Variants in ELMO1 observed in about 807,000 individuals in gnomAD.
ELMO1 encodes the protein engulfment and cell motility 1, also known as engulfment and cell motility protein 1.
ELMO1 carries 26 observed loss-of-function variants against 98.9 expected under a neutral mutation model. The ratio of observed to expected loss-of-function variants is 0.26; its 90% CI spans 0.19 to 0.36. ELMO1 has a LOEUF of 0.36. Ranked by LOEUF, ELMO1 falls within the 10% of genes least tolerant of loss-of-function variation. The probability of loss-of-function intolerance (pLI) is 1.00; values close to 1 mark genes in which losing one functional copy is unlikely to be tolerated. For missense variants in ELMO1, 627 were observed against 935.2 expected (o/e 0.67, Z 4.30); for synonymous variants, 346 against 346.0 (o/e 1.00, Z 0.00).
intron 1 of ELMO1, among the ~76,000 whole-genome samples, chr7:37,426,665 G>A (rs1583742898): frequency 6.6e-6 from 1 of 152,108 alleles, no homozygotes; most frequent in East Asian, 1.9e-4. Flanking sequence ...TGGCAAGTCA[G>A]TCCTTGTCTC....
chr7:36,885,533 AT>A (rs1368862244), intron 18 of ELMO1, among the ~76,000 whole-genome samples: 1 of 152,170 alleles, frequency 6.6e-6, no homozygotes, highest in Non-Finnish European at 1.5e-5. Context: ...TCTATTTGCC[AT>A]TTCCCATCCC....
chr7:37,101,469 C>T (rs747697180), intron 14 of ELMO1, among the ~76,000 whole-genome samples: 19 of 152,090 alleles, frequency 1.2e-4, no homozygotes, highest in Non-Finnish European at 7.3e-5. Context: ...CTCTTTTATA[C>T]TATGGTCTAA....
rs148906778 is a variant in ELMO1 at position 36,982,768 on chromosome 7, C to A, written c.1437+30531G>T. Among the ~76,000 whole-genome samples, 279 of 152,320 alleles carry A rather than the reference C, an allele frequency of 1.8e-3. 1 individual carries two copies. The highest frequency in any genetic ancestry group is 6.3e-3 in the African/African-American group (260 of 41,566). ...TTTATTCTTCCTTCTAGCAGCCTAACCCCTTCTTTCTCTTTTTTATTGTTA... is the reference window on the plus strand; with the variant it reads ...TTTATTCTTCCTTCTAGCAGCCTAAACCCTTCTTTCTCTTTTTTATTGTTA... On this transcript the variant is annotated intron_variant, in intron 16 of 21. Transcript: ENST00000310758.
intron 1 of ELMO1, among the ~76,000 whole-genome samples, chr7:37,390,835 G>T (rs983525825): frequency 6.6e-6 from 1 of 152,204 alleles, no homozygotes; most frequent in African/African-American, 2.4e-5. Context: ...TAGATGAGAG[G>T]ACAATCTGGT....
chr7:37,286,898 A>C (rs1049859377), intron 4 of ELMO1, among the ~76,000 whole-genome samples: 6 of 152,238 alleles, frequency 3.9e-5, no homozygotes, highest in African/African-American at 1.4e-4. Flanking sequence ...CAAATATTTT[A>C]AAAATTGTAT....
At chr7:37,345,076 A>G (rs1303200956) in intron 1 of ELMO1, among the ~76,000 whole-genome samples, 5 of 152,378 alleles carry the variant, frequency 3.3e-5, no homozygotes, top group African/African-American at 1.2e-4. Context: ...GCTGACAAGT[A>G]AAGGAAATGA....
chr7:36,874,172 A>C (rs1479653461), intron 19 of ELMO1, among the ~76,000 whole-genome samples: 1 of 152,236 alleles, frequency 6.6e-6, no homozygotes, highest in Non-Finnish European at 1.5e-5. Flanking sequence ...CTTGTCTGCA[A>C]TTTGTAACTC....
At chr7:37,400,329 C>T (rs902651501) in intron 1 of ELMO1, among the ~76,000 whole-genome samples, 1 of 152,096 alleles carries the variant, frequency 6.6e-6, no homozygotes, top group African/African-American at 2.4e-5. Context: ...GTCCATAGAT[C>T]ACAATGTGCT....
intron 15 of ELMO1, among the ~76,000 whole-genome samples, chr7:37,055,260 C>T (rs62445782): frequency 1.3e-5 from 2 of 152,212 alleles, no homozygotes; most frequent in Non-Finnish European, 2.9e-5. Flanking sequence ...ACAGAATATA[C>T]AGTGAAGAAC....
intron 13 of ELMO1, among the ~76,000 whole-genome samples, chr7:37,153,392 C>A (rs1788497473): frequency 6.6e-6 from 1 of 152,178 alleles, no homozygotes; most frequent in Non-Finnish European, 1.5e-5. Context: ...CCAAGGGAAG[C>A]TATGAGTGAC....
intron 13 of ELMO1, among the ~76,000 whole-genome samples, chr7:37,152,423 G>A (rs892915524): frequency 2.0e-5 from 3 of 149,070 alleles, no homozygotes; most frequent in Non-Finnish European, 4.4e-5. Context: ...GTATGTTCTG[G>A]CACCTTGAGC....
chr7:37,194,607 T>C (rs1177347727), intron 13 of ELMO1, among the ~76,000 whole-genome samples: 1 of 152,174 alleles, frequency 6.6e-6, no homozygotes, highest in East Asian at 1.9e-4. Context: ...CACATAATAT[T>C]TTATGGCCCA....
intron 14 of ELMO1, among the ~76,000 whole-genome samples, chr7:37,102,203 G>C (rs1482099400): frequency 6.6e-6 from 1 of 152,094 alleles, no homozygotes; most frequent in Non-Finnish European, 1.5e-5. Context: ...GGAGACTCGG[G>C]AGTCACTTCT....
intron 13 of ELMO1, among the ~76,000 whole-genome samples, chr7:37,152,508 A>G (rs1167637284): frequency 6.6e-6 from 1 of 151,176 alleles, no homozygotes; most frequent in Non-Finnish European, 1.5e-5. Context: ...TATAGAATGT[A>G]GCAAGTGTGA....
rs1016431630 is a variant in ELMO1, at chr7:37,196,925, G to A, written c.1086+14461C>T. On this transcript the variant is annotated intron_variant, in intron 13 of 21. Transcript: ENST00000310758. The stretch of plus-strand genomic sequence containing the variant: ...GTCCCCTAGACACTACTGCTGCTGG[G>A]TGTGGCCACTGCAGCTATTTTCTGC... 3.3e-5 allele frequency among the ~76,000 whole-genome samples: 5 copies of A among 152,302 alleles called. No homozygotes were observed. The East Asian group carries it at 7.7e-4, about 24-fold the overall frequency.
At chr7:37,381,653 A>G (rs1583658318) in intron 1 of ELMO1, among the ~76,000 whole-genome samples, 1 of 152,212 alleles carries the variant, frequency 6.6e-6, no homozygotes, top group African/African-American at 2.4e-5. Flanking sequence ...TAAAGCTTGA[A>G]CCATCCACAA....
chr7:36,995,197 C>G (rs1341101757), intron 16 of ELMO1, among the ~76,000 whole-genome samples: 1 of 152,146 alleles, frequency 6.6e-6, no homozygotes, highest in Non-Finnish European at 1.5e-5. Context: ...AACCCAACAT[C>G]ATAGAAGCCA....
intron 3 of ELMO1, 98 bp downstream of exon 3, chr7:37,315,822 G>T: frequency 9.1e-7 from 1 of 1,093,082 alleles, no homozygotes; most frequent in Non-Finnish European, 1.3e-6. Flanking sequence ...GTCAGTGGGT[G>T]ACTTATGAAT....
intron 16 of ELMO1, among the ~76,000 whole-genome samples, chr7:36,978,211 C>T (rs1435487991): frequency 6.6e-6 from 1 of 152,066 alleles, no homozygotes; most frequent in Non-Finnish European, 1.5e-5. Context: ...TACTACCCTC[C>T]CCTCACTCCC....
Sources: allele counts gnomAD v4.1 joint callset (sites outside exome capture counted in the v4.1 genomes callset), GRCh38; gene constraint gnomAD v4.1.1; transcripts MANE v1.5; gene names NCBI Gene and HGNC (gene_info 2026-07-23, HGNC 2026-07-21).